The following AGBL3 variants were observed in gnomAD, a reference collection of about 807,000 sequenced individuals.
The protein encoded by AGBL3 is AGBL carboxypeptidase 3.
AGBL3 carries 68 observed loss-of-function variants against 94.5 expected under a neutral mutation model. The ratio of observed to expected loss-of-function variants is 0.72; its 90% CI spans 0.59 to 0.88. The LOEUF (loss-of-function observed/expected upper bound fraction) is 0.88, where lower values mean the gene tolerates loss of function less well. Among genes scored for constraint, AGBL3 ranks in the 40% least tolerant of loss-of-function variants. AGBL3 has a pLI of 0.00. For missense variants in AGBL3, 934 were observed against 1,103.8 expected (o/e 0.85, Z 2.18); for synonymous variants, 354 against 370.7 (o/e 0.95, Z 0.52).
At chr7:135,128,542 A>G in intron 16 of AGBL3, 1 of 766,998 alleles carries the variant, frequency 1.3e-6, no homozygotes, top group Non-Finnish European at 2.4e-6. Context: ...AAGGTGGAGA[A>G]ACCAGGATCT....
intron 15 of AGBL3, among the ~76,000 whole-genome samples, chr7:135,088,231 C>T (rs1821486625): frequency 1.3e-5 from 2 of 152,192 alleles, no homozygotes; most frequent in Middle Eastern, 3.4e-3. Context: ...TTCCCGTAGG[C>T]AGCATATAGT....
At chr7:134,990,469 G>A (rs1434350928) in intron 3 of AGBL3, among the ~76,000 whole-genome samples, 1 of 152,162 alleles carries the variant, frequency 6.6e-6, no homozygotes, top group Admixed American at 6.5e-5. Context: ...TATGTGAATA[G>A]ATCAAAATTT....
intron 16 of AGBL3, among the ~76,000 whole-genome samples, chr7:135,123,375 C>T (rs1827413585): frequency 6.6e-6 from 1 of 152,156 alleles, no homozygotes; most frequent in South Asian, 2.1e-4. Context: ...AACAAAGCCT[C>T]CAAGAAATGT....
chr7:134,992,738 C>A (rs1810453545), intron 3 of AGBL3, among the ~76,000 whole-genome samples: 1 of 152,200 alleles, frequency 6.6e-6, no homozygotes, highest in Non-Finnish European at 1.5e-5. Flanking sequence ...GGGAAGGAAT[C>A]CAGTTATCTG....
rs543517927 is a variant in AGBL3, at chr7:135,095,487, A to G, written c.2110+13697A>G. Among the ~76,000 whole-genome samples, 51 of 152,318 alleles carry G rather than the reference A, an allele frequency of 3.3e-4. No homozygotes were observed. The South Asian group carries it at 5.0e-3, about 15-fold the overall frequency. On this transcript the variant is annotated intron_variant, in intron 15 of 16. Transcript: ENST00000436302. ...GCTACAGCAAACATTAAACAGTCCA[A>G]TTCCTTGTCAGATTAATATAAAACC...
At chr7:135,128,527 T>A in intron 16 of AGBL3, 1 of 763,784 alleles carries the variant, frequency 1.3e-6, no homozygotes, top group Non-Finnish European at 2.5e-6. Context: ...AAAAGCAGTC[T>A]GTCCAAGGTG....
intron 15 of AGBL3, among the ~76,000 whole-genome samples, chr7:135,100,587 G>A (rs1823685704): frequency 6.6e-6 from 1 of 152,088 alleles, no homozygotes; most frequent in African/African-American, 2.4e-5. Flanking sequence ...AAATAAAATG[G>A]GTTCTGATGA....
chr7:134,988,708 G>A (rs931946647), intron 2 of AGBL3, among the ~76,000 whole-genome samples: 1 of 151,904 alleles, frequency 6.6e-6, no homozygotes, highest in Admixed American at 6.5e-5. Flanking sequence ...CGCGATCTCG[G>A]CTCACTGCAA....
intron 16 of AGBL3, among the ~76,000 whole-genome samples, chr7:135,130,227 T>A (rs1246079736): frequency 6.6e-6 from 1 of 152,212 alleles, no homozygotes; most frequent in Admixed American, 6.5e-5. Context: ...AGGAAGCCCT[T>A]TACTCTGTAA....
At chr7:135,068,876 C>T (rs4481532) in intron 12 of AGBL3, among the ~76,000 whole-genome samples, 73,717 of 151,922 alleles carry the variant, frequency 0.49, 18,247 homozygotes, top group South Asian at 0.66. Flanking sequence ...CAAATTCACA[C>T]ATAACAATAT....
intron 11 of AGBL3, 114 bp from the exon 12 acceptor site, chr7:135,059,054 GC>G: frequency 1.2e-6 from 1 of 824,620 alleles, no homozygotes; most frequent in Non-Finnish European, 1.9e-6. Context: ...ACTGCGCCCG[GC>G]CACTTCTTAT....
At chr7:135,070,469 A>C (rs1241269543) in intron 12 of AGBL3, among the ~76,000 whole-genome samples, 1 of 152,252 alleles carries the variant, frequency 6.6e-6, no homozygotes, top group Admixed American at 6.5e-5. Context: ...TGATACAAAA[A>C]TCCTCAATAA....
intron 15 of AGBL3, among the ~76,000 whole-genome samples, chr7:135,102,393 A>T (rs897756626): frequency 3.3e-5 from 5 of 152,180 alleles, no homozygotes; most frequent in Non-Finnish European, 7.4e-5. Flanking sequence ...ATTAATTCTT[A>T]AAAAATGTTA....
At chr7:135,016,994 A>C in intron 4 of AGBL3, 58 bp from the exon 5 acceptor site, 1 of 1,133,204 alleles carries the variant, frequency 8.8e-7, no homozygotes, top group Non-Finnish European at 1.3e-6. Context: ...ATATGCAATA[A>C]AATTTTTCTG....
chr7:135,134,421 T>A (rs1348177549), intron 16 of AGBL3, among the ~76,000 whole-genome samples: 1 of 152,122 alleles, frequency 6.6e-6, no homozygotes, highest in Admixed American at 6.6e-5. Context: ...TCACGTTGAT[T>A]TTTTTACTGG....
chr7:135,134,888 G>A lies in AGBL3; in HGVS notation c.2390G>A (p.Trp797Ter). ...CRNIKKYSTSWTAPRNHPFVI... is the reference protein window; with the variant it reads ...CRNIKKYSTS Reference sequence around the variant, plus strand: ...AATATAAAGAAATACAGCACATCTTGGACAGCACCCAGAAATCACCCTTTT... The same window carrying A: ...AATATAAAGAAATACAGCACATCTTAGACAGCACCCAGAAATCACCCTTTT... Residue 797 changes from tryptophan to a stop codon, truncating the protein, a stop_gained, in exon 17 of 17, where the codon TGG becomes TAG. Coordinates refer to ENST00000436302, the MANE Select transcript of AGBL3 (RefSeq NM_178563.4). LOFTEE classifies it low-confidence loss of function (END_TRUNC). 1 of 1,551,000 alleles carries A rather than the reference G, an allele frequency of 6.4e-7. No homozygotes were observed. Among genetic ancestry groups the A allele is most frequent in the Non-Finnish European group, 8.7e-7 (1 of 1,146,574 alleles).
At chr7:135,032,753 T>G in intron 5 of AGBL3, 91 bp from the exon 6 acceptor site, 1 of 1,216,304 alleles carries the variant, frequency 8.2e-7, no homozygotes, top group Non-Finnish European at 1.1e-6. Flanking sequence ...TTACAATCCT[T>G]ACACTTGTAC....
In AGBL3 at chr7:134,991,563, G is replaced by A. The variant is rs975933076; in HGVS notation, c.125-1930G>A. Among the ~76,000 whole-genome samples the A allele has an allele frequency of 2.6e-5, 4 of 152,066 alleles. 1 individual carries two copies. The highest frequency in any genetic ancestry group is 9.7e-5 in the African/African-American group (4 of 41,384). ...TGTATATGCCTGCATGGTTGCCCTT[G>A]CCATATCATATCACCTAACCCTTCC... On this transcript the variant is annotated intron_variant, in intron 3 of 16. Transcript: ENST00000436302.
At chr7:135,054,788 A>C (rs1297207917) in intron 11 of AGBL3, among the ~76,000 whole-genome samples, 1 of 152,094 alleles carries the variant, frequency 6.6e-6, no homozygotes, top group Non-Finnish European at 1.5e-5. Context: ...CAACCCAGAG[A>C]GTTTTCTTAT....
Sources: gnomAD v4.1 joint callset for allele counts (sites outside exome capture counted in the v4.1 genomes callset) on GRCh38, gnomAD v4.1.1 for gene constraint, MANE v1.5 for transcripts, NCBI Gene and HGNC (gene_info 2026-07-23, HGNC 2026-07-21) for gene names.